SQOR: variants seen among roughly 807,000 people sequenced by gnomAD.
SQOR encodes sulfide:quinone oxidoreductase, mitochondrial.
A neutral mutation model predicts 48.6 loss-of-function variants in SQOR; 39 were observed. That is an observed-to-expected ratio of 0.80 (90% CI 0.62 to 1.05). SQOR has a LOEUF of 1.05. SQOR is among the 50% of genes least tolerant of loss of function. The pLI is 0.00. For synonymous variants in SQOR, 220 were observed against 206.2 expected, an observed-to-expected ratio of 1.07 and a Z score of -0.57; for missense variants, 561 against 559.9, an observed-to-expected ratio of 1.00 and a Z score of -0.02.
chr15:45,676,094 T>G lies in SQOR; in HGVS notation c.655-7T>G. ...TTTGGTGTGAATGGTTTTCTTATTT[T>G]TCTCAGACAGGGAAGCGATCCAAGG... On this transcript the variant is annotated splice_region_variant and splice_polypyrimidine_tract_variant and intron_variant, in intron 5 of 9. Transcript: ENST00000260324. 1.9e-6 allele frequency: 3 copies of G among 1,609,942 alleles called. No individual in the cohort carries two copies. The highest frequency in any genetic ancestry group is 2.5e-6 in the Non-Finnish European group (3 of 1,178,908).
chr15:45,659,431 G>A (rs1036331026), intron 2 of SQOR, among the ~76,000 whole-genome samples: 3 of 152,120 alleles, frequency 2.0e-5, no homozygotes, highest in African/African-American at 7.2e-5. Flanking sequence ...CAAATTGGGT[G>A]GCTTAAAACA....
intron 2 of SQOR, 111 bp from the exon 3 acceptor site, chr15:45,661,844 G>A: frequency 2.7e-6 from 3 of 1,131,534 alleles, no homozygotes; most frequent in Non-Finnish European, 3.7e-6. Flanking sequence ...TCCATACGAT[G>A]CTCTAAAGGT....
At chr15:45,677,169 A>G (rs1371120169) in intron 6 of SQOR, among the ~76,000 whole-genome samples, 1 of 151,708 alleles carries the variant, frequency 6.6e-6, no homozygotes, top group Non-Finnish European at 1.5e-5. Context: ...TAGCTTTATC[A>G]TTTGATTTCT....
intron 3 of SQOR, 50 bp downstream of exon 3, chr15:45,662,175 A>G: frequency 6.3e-7 from 1 of 1,591,458 alleles, no homozygotes; most frequent in South Asian, 1.1e-5. Flanking sequence ...GCTTGTATTA[A>G]TATGCAGCCA....
chr15:45,678,051 C>T (rs1890067805), intron 6 of SQOR, among the ~76,000 whole-genome samples: 1 of 152,108 alleles, frequency 6.6e-6, no homozygotes. Flanking sequence ...AGCATTGTGC[C>T]ATTCTAAGGT....
intron 1 of SQOR, among the ~76,000 whole-genome samples, chr15:45,646,248 C>G (rs1352938713): frequency 6.6e-6 from 1 of 152,176 alleles, no homozygotes; most frequent in Non-Finnish European, 1.5e-5. Context: ...AGAGGCCATC[C>G]CTGGAGCTGG....
At chr15:45,657,258 AG>A (rs1217956986) in intron 1 of SQOR, among the ~76,000 whole-genome samples, 1 of 115,250 alleles carries the variant, frequency 8.7e-6, no homozygotes, top group Non-Finnish European at 1.8e-5. Flanking sequence ...GCCCGTGTGG[AG>A]CCTGCATTTT....
rs773280857 is a variant in SQOR at position 45,669,907 on chromosome 15, T to C, written c.406-21T>C. Reference sequence around the variant, plus strand: ...ATGCTTCTTGAGTCCTGGTCTAAAATAATGTCTTTTTGTGTTGCAGATCTC... The same window carrying C: ...ATGCTTCTTGAGTCCTGGTCTAAAACAATGTCTTTTTGTGTTGCAGATCTC... On this transcript the variant is annotated intron_variant, in intron 3 of 9. Coordinates refer to ENST00000260324, the MANE Select transcript of SQOR (RefSeq NM_021199.4). 6 of 1,612,098 alleles carry C rather than the reference T, an allele frequency of 3.7e-6. No individual in the cohort carries two copies. In the African/African-American group the frequency reaches 6.7e-5, roughly 18 times the overall value.
intron 7 of SQOR, among the ~76,000 whole-genome samples, chr15:45,684,753 T>C (rs1351738667): frequency 1.3e-5 from 2 of 152,240 alleles, no homozygotes; most frequent in Non-Finnish European, 2.9e-5. Flanking sequence ...AGGCCCAGAT[T>C]ACCCAGCTTT....
chr15:45,653,826 A>G (rs1344266443), intron 1 of SQOR, among the ~76,000 whole-genome samples: 1 of 152,154 alleles, frequency 6.6e-6, no homozygotes, highest in Non-Finnish European at 1.5e-5. Context: ...TATGTTTTAT[A>G]TTACACCATG....
At chr15:45,641,232 T>C (rs951206847) in intron 1 of SQOR, among the ~76,000 whole-genome samples, 8 of 152,224 alleles carry the variant, frequency 5.3e-5, no homozygotes, top group Admixed American at 4.6e-4. Flanking sequence ...CATTCTCTGA[T>C]TGTAAAATAA....
intron 1 of SQOR, among the ~76,000 whole-genome samples, chr15:45,651,457 C>T (rs1157124175): frequency 8.5e-5 from 13 of 152,244 alleles, no homozygotes; most frequent in Admixed American, 2.0e-4. Flanking sequence ...GCCCCCACAG[C>T]GCAGTGGCGG....
chr15:45,652,958 CA>C (rs920470062), intron 1 of SQOR, among the ~76,000 whole-genome samples: 7 of 144,306 alleles, frequency 4.9e-5, no homozygotes, highest in East Asian at 2.0e-4. Flanking sequence ...GATTCCGCCT[CA>C]AAAAAAAAAG....
rs1365585463 is a variant in SQOR, at chr15:45,643,620, C to T, written c.-18+8512C>T. On this transcript the variant is annotated intron_variant, in intron 1 of 9. Transcript: ENST00000260324. Reference sequence around the variant, plus strand: ...GTAATTTAATCGTATATCATTTGCGCAGGTAAAAATTCTCCTAATAAAAAT... The same window carrying T: ...GTAATTTAATCGTATATCATTTGCGTAGGTAAAAATTCTCCTAATAAAAAT... 2.6e-5 allele frequency among the ~76,000 whole-genome samples: 4 copies of T among 152,192 alleles called. 1 individual carries two copies. Among genetic ancestry groups the T allele is most frequent in the African/African-American group, 9.7e-5 (4 of 41,436 alleles).
intron 1 of SQOR, among the ~76,000 whole-genome samples, chr15:45,653,648 T>G (rs923101724): frequency 3.3e-5 from 5 of 152,056 alleles, no homozygotes; most frequent in Non-Finnish European, 5.9e-5. Flanking sequence ...CGTGTTTGGT[T>G]TTTCTGGTGA....
intron 2 of SQOR, among the ~76,000 whole-genome samples, chr15:45,659,825 G>A (rs572975625): frequency 1.3e-5 from 2 of 152,302 alleles, no homozygotes; most frequent in African/African-American, 2.4e-5. Flanking sequence ...GGGTTAGAAC[G>A]TCAACATCCT....
chr15:45,666,237 C>G lies in SQOR; in HGVS notation c.406-3691C>G, dbSNP rs1889814369. The stretch of plus-strand genomic sequence containing the variant: ...CCTTCAGGCAAGCCTTCCTTGACTT[C>G]CCAGACTAGGTCAGGTTATCCCTTG... On this transcript the variant is annotated intron_variant, in intron 3 of 9. Coordinates refer to ENST00000260324, the MANE Select transcript of SQOR (RefSeq NM_021199.4). 2.6e-5 allele frequency among the ~76,000 whole-genome samples: 4 copies of G among 152,204 alleles called. No individual in the cohort carries two copies. In the South Asian group the frequency reaches 8.3e-4, roughly 31 times the overall value.
chr15:45,650,177 T>G (rs1283793297), intron 1 of SQOR, among the ~76,000 whole-genome samples: 10 of 152,316 alleles, frequency 6.6e-5, no homozygotes, highest in African/African-American at 2.2e-4. Context: ...TCTGGCTCTG[T>G]CGCCCAGGCT....
intron 7 of SQOR, among the ~76,000 whole-genome samples, chr15:45,687,821 T>G (rs1838881524): frequency 6.6e-6 from 1 of 152,254 alleles, no homozygotes; most frequent in Non-Finnish European, 1.5e-5. Flanking sequence ...TGTATCTCTA[T>G]ATCTATAGAT....
Sources: allele counts gnomAD v4.1 joint callset (sites outside exome capture counted in the v4.1 genomes callset), GRCh38; gene constraint gnomAD v4.1.1; transcripts MANE v1.5; gene names NCBI Gene and HGNC (gene_info 2026-07-23, HGNC 2026-07-21).